The following NCKAP5 variants were observed in gnomAD, a reference collection of about 807,000 sequenced individuals.
The protein encoded by NCKAP5 is nck-associated protein 5.
A neutral mutation model predicts 167.0 loss-of-function variants in NCKAP5; 92 were observed. The ratio of observed to expected loss-of-function variants is 0.55; its 90% CI spans 0.47 to 0.66. The LOEUF (loss-of-function observed/expected upper bound fraction) is 0.66, where lower values mean the gene tolerates loss of function less well. Among genes scored for constraint, NCKAP5 ranks in the 30% least tolerant of loss-of-function variants. The pLI is 0.00. For missense variants in NCKAP5, 2,378 were observed against 2,315.0 expected (o/e 1.03, Z -0.56); for synonymous variants, 891 against 877.4 (o/e 1.02, Z -0.27).
intron 8 of NCKAP5, among the ~76,000 whole-genome samples, chr2:132,924,237 T>C (rs921808332): frequency 7.9e-5 from 12 of 152,018 alleles, no homozygotes; most frequent in East Asian, 3.9e-4. Flanking sequence ...GATTTTTTTT[T>C]CCCATAACCG....
chr2:132,929,877 A>C lies in NCKAP5; in HGVS notation c.579+33843T>G, dbSNP rs1342336262. On this transcript the variant is annotated intron_variant, in intron 8 of 19. Transcript: ENST00000409261. ...CTGAATTCCCTTTGTTGTATATTTC[A>C]GATTAGGGTGAGCCACAAGAAAAAT... The C allele has an allele frequency of 3.3e-5, 5 of 152,200 alleles. 1 individual carries two copies. Among genetic ancestry groups the C allele is most frequent in the East Asian group, 3.9e-4 (2 of 5,194 alleles). 9.4% of individuals were successfully genotyped at this position (152,200 alleles called of 1,614,324 possible). A position where few individuals can be genotyped will look rare whatever the true frequency, so the allele number is the denominator to read the frequency against.
At chr2:133,388,544 A>C (rs537585089) in intron 3 of NCKAP5, among the ~76,000 whole-genome samples, 11 of 152,282 alleles carry the variant, frequency 7.2e-5, no homozygotes, top group African/African-American at 2.4e-4. Context: ...TGCTGGGAGA[A>C]CCACTACTCT....
intron 3 of NCKAP5, among the ~76,000 whole-genome samples, chr2:133,413,976 T>C (rs181433873): frequency 6.6e-6 from 1 of 152,210 alleles, no homozygotes; most frequent in African/African-American, 2.4e-5. Flanking sequence ...CACTACATCA[T>C]GAATAAGAAC....
chr2:133,157,074 G>T (rs2083601866), intron 5 of NCKAP5, among the ~76,000 whole-genome samples: 1 of 152,128 alleles, frequency 6.6e-6, no homozygotes, highest in Non-Finnish European at 1.5e-5. Context: ...CTCCTGCCCT[G>T]TTCCCAACAC....
intron 6 of NCKAP5, among the ~76,000 whole-genome samples, chr2:133,045,983 G>T: frequency 6.6e-6 from 1 of 152,162 alleles, no homozygotes; most frequent in Admixed American, 6.5e-5. Context: ...CTAACAGGTG[G>T]GTAGCGTCTA....
intron 3 of NCKAP5, among the ~76,000 whole-genome samples, chr2:133,389,266 T>C (rs1687229509): frequency 6.6e-6 from 1 of 152,350 alleles, no homozygotes; most frequent in Admixed American, 6.5e-5. Context: ...ACTTGCAAAA[T>C]GGCGTCTTCT....
intron 4 of NCKAP5, among the ~76,000 whole-genome samples, chr2:133,229,255 A>C (rs937286437): frequency 3.3e-5 from 5 of 152,252 alleles, no homozygotes; most frequent in African/African-American, 1.2e-4. Context: ...ATACATAAAT[A>C]AATCTAAGTA....
intron 7 of NCKAP5, among the ~76,000 whole-genome samples, chr2:132,980,717 A>G (rs552010774): frequency 1.7e-4 from 26 of 152,246 alleles, no homozygotes; most frequent in African/African-American, 6.0e-4. Flanking sequence ...ACACTTTATT[A>G]TTACTGTGTC....
intron 9 of NCKAP5, among the ~76,000 whole-genome samples, chr2:132,875,463 T>C (rs1479280379): frequency 1.3e-5 from 2 of 152,214 alleles, no homozygotes; most frequent in Non-Finnish European, 2.9e-5. Context: ...CTCCCTACTC[T>C]ATGACTGTCC....
intron 13 of NCKAP5, among the ~76,000 whole-genome samples, chr2:132,788,907 C>T (rs1385574100): frequency 6.6e-6 from 1 of 152,130 alleles, no homozygotes; most frequent in Admixed American, 6.5e-5. Context: ...CAAATGTCTT[C>T]ATGAATCTGG....
At chr2:132,793,479 C>T (rs1266666392) in intron 12 of NCKAP5, among the ~76,000 whole-genome samples, 2 of 152,208 alleles carry the variant, frequency 1.3e-5, no homozygotes, top group East Asian at 1.9e-4. Context: ...AATGCAGATT[C>T]TGATTCGGTA....
At chr2:133,614,354 C>T in the NCKAP5 span, among the ~76,000 whole-genome samples, 1 of 152,014 alleles carries the variant, frequency 6.6e-6, no homozygotes, top group African/African-American at 2.4e-5. Flanking sequence ...TTACTCCGAG[C>T]TACGGGATGA....
Position 133,146,723 on chromosome 2 carries a change from C to G in NCKAP5, c.208-16612G>C, listed in dbSNP as rs61167965. Among the ~76,000 whole-genome samples the G allele has an allele frequency of 8.0e-4, 121 of 152,094 alleles. 4 individuals are homozygous for G. The East Asian group carries it at 0.021, about 26-fold the overall frequency. On this transcript the variant is annotated intron_variant, in intron 5 of 19. Coordinates refer to ENST00000409261, the MANE Select transcript of NCKAP5 (RefSeq NM_207363.3). The stretch of plus-strand genomic sequence containing the variant: ...ACACCAAATTCTTAAGGCATATAAC[C>G]CTATATTCCATCAGTAGGCATTTAG...
chr2:133,124,249 G>C (rs1344944171), intron 6 of NCKAP5, among the ~76,000 whole-genome samples: 1 of 152,164 alleles, frequency 6.6e-6, no homozygotes, highest in Non-Finnish European at 1.5e-5. Flanking sequence ...GGTCAAATAT[G>C]GGTGGCAAAC....
chr2:133,042,877 C>T (rs2079261788), intron 6 of NCKAP5, among the ~76,000 whole-genome samples: 1 of 152,096 alleles, frequency 6.6e-6, no homozygotes, highest in Non-Finnish European at 1.5e-5. Context: ...TGGAGAAACC[C>T]TAGATTGTAC....
intron 8 of NCKAP5, among the ~76,000 whole-genome samples, chr2:132,883,509 T>A (rs770577757): frequency 4.6e-5 from 7 of 151,994 alleles, no homozygotes; most frequent in Admixed American, 1.3e-4. Context: ...CACAACCACG[T>A]CTCCACACTG....
chr2:132,910,504 G>A (rs369239634), intron 8 of NCKAP5, among the ~76,000 whole-genome samples: 1 of 151,924 alleles, frequency 6.6e-6, no homozygotes, highest in East Asian at 1.9e-4. Context: ...CCACAAATAA[G>A]TGAAAACATG....
At position 132,682,728 on chromosome 2, in the gene NCKAP5, G is replaced by A. The variant is rs573028852; in HGVS notation, c.5714-9423C>T. Reference sequence around the variant, plus strand: ...GGAATAACTCCCTGGATTTTCTAAAGCTTCTTTTGATCTTCTTCCATTTTC... The same window carrying A: ...GGAATAACTCCCTGGATTTTCTAAAACTTCTTTTGATCTTCTTCCATTTTC... On this transcript the variant is annotated intron_variant, in intron 19 of 19. Transcript: ENST00000409261. 2.5e-3 allele frequency among the ~76,000 whole-genome samples: 383 copies of A among 152,210 alleles called. 1 individual carries two copies. Among genetic ancestry groups the A allele is most frequent in the Non-Finnish European group, 4.7e-3 (322 of 68,004 alleles).
intron 3 of NCKAP5, among the ~76,000 whole-genome samples, chr2:133,328,110 A>G (rs1682581393): frequency 6.6e-6 from 1 of 152,224 alleles, no homozygotes; most frequent in South Asian, 2.1e-4. Flanking sequence ...TAGAACCAAG[A>G]TTTGAAAAAA....
Sources: allele counts gnomAD v4.1 joint callset (sites outside exome capture counted in the v4.1 genomes callset), GRCh38; gene constraint gnomAD v4.1.1; transcripts MANE v1.5; gene names NCBI Gene and HGNC (gene_info 2026-07-23, HGNC 2026-07-21).